The following BCL11B variants were observed in gnomAD, a reference collection of about 807,000 sequenced individuals.
BCL11B encodes B-cell lymphoma/leukemia 11B.
BCL11B carries 8 observed loss-of-function variants against 49.9 expected under a neutral mutation model. That is an observed-to-expected ratio of 0.16 (90% CI 0.09 to 0.29). The LOEUF is 0.29. Ranked by LOEUF, BCL11B falls within the 10% of genes least tolerant of loss-of-function variation. BCL11B has a pLI of 1.00. For missense variants in BCL11B, 1,006 were observed against 1,351.0 expected (o/e 0.74, Z 4.00); for synonymous variants, 739 against 637.4 (o/e 1.16, Z -2.40).
chr14:99,173,891 A>G lies in BCL11B; in HGVS notation c.*260T>C. 1.9e-6 allele frequency: 1 copy of G among 522,456 alleles called. No homozygotes were observed. Among genetic ancestry groups the G allele is most frequent in the Non-Finnish European group, 3.4e-6 (1 of 295,376 alleles). 32.4% of individuals were successfully genotyped at this position (522,456 alleles called of 1,614,324 possible). ...AAAAATAATAATAAAAAGTACCTGC[A>G]CATGCCAAAAAAATTACAAAACCCA... On this transcript the variant is annotated 3_prime_UTR_variant, in exon 4 of 4. Coordinates refer to ENST00000357195, the MANE Select transcript of BCL11B (RefSeq NM_138576.4).
intron 3 of BCL11B, among the ~76,000 whole-genome samples, chr14:99,224,308 G>C (rs1191869966): frequency 6.6e-6 from 1 of 152,170 alleles, no homozygotes; most frequent in Non-Finnish European, 1.5e-5. Flanking sequence ...TGTGACCCCT[G>C]GTGGGTTGTG....
At chr14:99,252,335 G>A (rs1889031478) in intron 2 of BCL11B, among the ~76,000 whole-genome samples, 1 of 152,054 alleles carries the variant, frequency 6.6e-6, no homozygotes, top group African/African-American at 2.4e-5. Context: ...CTGCGAGTGG[G>A]GTTTATCTCC....
At chr14:99,230,107 G>C (rs1309256991) in intron 3 of BCL11B, among the ~76,000 whole-genome samples, 1 of 152,154 alleles carries the variant, frequency 6.6e-6, no homozygotes, top group Non-Finnish European at 1.5e-5. Context: ...ACAGCAGGGA[G>C]GGTACACTAA....
chr14:99,215,200 G>A (rs1407758410), intron 3 of BCL11B, among the ~76,000 whole-genome samples: 2 of 148,356 alleles, frequency 1.3e-5, no homozygotes, highest in African/African-American at 5.0e-5. Context: ...TTTATAAGTT[G>A]CAGATAATGT....
intron 3 of BCL11B, among the ~76,000 whole-genome samples, chr14:99,227,093 T>G (rs1318601854): frequency 6.6e-6 from 1 of 152,200 alleles, no homozygotes; most frequent in Admixed American, 6.5e-5. Flanking sequence ...ATTTGCAGCT[T>G]TTAAATATGC....
chr14:99,191,697 C>T (rs932716636), intron 3 of BCL11B, among the ~76,000 whole-genome samples: 1 of 151,272 alleles, frequency 6.6e-6, no homozygotes, highest in African/African-American at 2.4e-5. Flanking sequence ...TTTGTCAGCA[C>T]CCCCCTGCCC....
intron 3 of BCL11B, among the ~76,000 whole-genome samples, chr14:99,227,918 C>G (rs763377863): frequency 2.0e-5 from 3 of 152,126 alleles, no homozygotes; most frequent in Non-Finnish European, 4.4e-5. Context: ...CCCCGAGTCC[C>G]TTCTCCCCAC....
Position 99,192,754 on chromosome 14 carries a change from A to G in BCL11B, c.641-16559T>C, listed in dbSNP as rs1473852317. Among the ~76,000 whole-genome samples, 3 of 152,204 alleles carry G rather than the reference A, an allele frequency of 2.0e-5. No homozygotes were observed. Among genetic ancestry groups the G allele is most frequent in the Non-Finnish European group, 2.9e-5 (2 of 68,022 alleles). ...TGAGCTCCAAGTTCCTTATCCATAA[A>G]TGCGAGTGACACCTGTATTGAGGAT... On this transcript the variant is annotated intron_variant, in intron 3 of 3. Transcript: ENST00000357195. The surrounding 1 kb of genome is among the most constrained non-coding windows in gnomAD (Gnocchi z 4.0).
At position 99,175,079 on chromosome 14, in the gene BCL11B, G is replaced by A; in HGVS notation, c.1757C>T (p.Ala586Val). 1.2e-6 allele frequency: 2 copies of A among 1,600,234 alleles called. No homozygotes were observed. The highest frequency in any genetic ancestry group is 8.5e-7 in the Non-Finnish European group (1 of 1,177,280). Residue 586 changes from alanine (A) to valine (V), a missense_variant, in exon 4 of 4, where the codon GCG becomes GTG. This residue lies in a region of BCL11B where 443 missense variants were observed against 499.7 expected (regional missense o/e 0.89). Transcript: ENST00000357195. Reference protein sequence around the residue: ...VPGAGGGAAKALADEKALVLG... With the variant: ...VPGAGGGAAKVLADEKALVLG... ...CACCAGCGCCTTCTCGTCAGCCAGC[G>A]CCTTGGCCGCGCCGCCCCCCGCGCC...
At chr14:99,191,470 G>A (rs1159716613) in intron 3 of BCL11B, among the ~76,000 whole-genome samples, 1 of 152,106 alleles carries the variant, frequency 6.6e-6, no homozygotes, top group Non-Finnish European at 1.5e-5. Context: ...GGAGAAAGAG[G>A]TGGAGAGAAT....
At chr14:99,197,967 C>T (rs541231715) in intron 3 of BCL11B, among the ~76,000 whole-genome samples, 15 of 152,324 alleles carry the variant, frequency 9.8e-5, no homozygotes, top group Middle Eastern at 3.4e-3. Context: ...GCACAGGACG[C>T]GGGCTGTGTC....
chr14:99,214,990 G>A (rs919347093), intron 3 of BCL11B, among the ~76,000 whole-genome samples: 3 of 152,214 alleles, frequency 2.0e-5, no homozygotes, highest in South Asian at 2.1e-4. Flanking sequence ...TCCTCCTGAC[G>A]GCACTGTCAC....
rs909383764 is a variant in BCL11B, at chr14:99,257,775, T to C, written c.123A>G (p.Pro41=). 3.8e-6 allele frequency: 6 copies of C among 1,597,820 alleles called. No individual in the cohort carries two copies. The African/African-American group carries it at 8.0e-5, about 21-fold the overall frequency. ...EEDEGLEIEE[P]SGLGLMVGGP... is the part of the protein sequence containing the mutation. Reference sequence around the variant, plus strand: ...CACCCACCATCAGCCCCAGGCCACTTGGCTCCTCTATCTCCAGACCCTCGT... The same window carrying C: ...CACCCACCATCAGCCCCAGGCCACTCGGCTCCTCTATCTCCAGACCCTCGT... Residue 41 remains proline (P), a synonymous_variant, in exon 2 of 4, where the codon CCA becomes CCG. Transcript: ENST00000357195. This position sits in a 1 kb window ranked among gnomAD's most constrained non-coding sequence, Gnocchi z 6.2.
At chr14:99,204,186 T>A (rs773327878) in intron 3 of BCL11B, among the ~76,000 whole-genome samples, 26 of 152,194 alleles carry the variant, frequency 1.7e-4, no homozygotes, top group Non-Finnish European at 3.5e-4. Context: ...ATGAGCCACC[T>A]GTGAACCCAT....
intron 2 of BCL11B, among the ~76,000 whole-genome samples, chr14:99,244,932 C>T (rs1265911021): frequency 6.6e-6 from 1 of 152,192 alleles, no homozygotes; most frequent in Non-Finnish European, 1.5e-5. Context: ...CAAATCAATT[C>T]TGCCTGGTTT....
In BCL11B at chr14:99,199,677, TGTGTGTGCGCGCGCGCGCGCAC is replaced by T. The variant is rs1343111557; in HGVS notation, c.641-23504_641-23483del. On this transcript the variant is annotated intron_variant, in intron 3 of 3. Transcript: ENST00000357195. The stretch of plus-strand genomic sequence containing the variant: ...GTGTGTGTGTGTGTGTGTGTGTGTG[TGTGTGTGCGCGCGCGCGCGCAC>T]GTGCACGTGTGTGCGTGTGTGCATG... Among the ~76,000 whole-genome samples the T allele has an allele frequency of 9.8e-3, 1,099 of 112,182 alleles. 23 individuals carry two copies. Among genetic ancestry groups the T allele is most frequent in the African/African-American group, 0.035 (1,031 of 29,576 alleles). The allele number at this position is 112,182 out of a possible 152,430, so 73.6% of individuals were successfully genotyped here.
chr14:99,179,474 A>T (rs1221566803), intron 3 of BCL11B, among the ~76,000 whole-genome samples: 8 of 20,154 alleles, frequency 4.0e-4, no homozygotes, highest in Non-Finnish European at 1.1e-3. Context: ...AATCCATCTT[A>T]AAAAAAAAAA....
rs539379830 is a variant in BCL11B, at chr14:99,228,040, C to T, written c.640+3305G>A. ...ACATACCTGTGTGGTTTTCTCCCCC[C>T]GTAAAATCACATCCTTCTATAAATA... On this transcript the variant is annotated intron_variant, in intron 3 of 3. Coordinates refer to ENST00000357195, the MANE Select transcript of BCL11B (RefSeq NM_138576.4). The surrounding 1 kb of genome is among the most constrained non-coding windows in gnomAD (Gnocchi z 4.8). Among the ~76,000 whole-genome samples the T allele has an allele frequency of 3.3e-5, 5 of 152,282 alleles. No homozygotes were observed. Among genetic ancestry groups the T allele is most frequent in the South Asian group, 4.2e-4 (2 of 4,818 alleles).
chr14:99,269,467 T>G (rs1889586126), intron 1 of BCL11B, among the ~76,000 whole-genome samples: 2 of 147,992 alleles, frequency 1.4e-5, no homozygotes, highest in South Asian at 4.2e-4. Flanking sequence ...CTTCCCTTCC[T>G]CCAAAGAGGC....
Sources: allele counts gnomAD v4.1 joint callset (sites outside exome capture counted in the v4.1 genomes callset), GRCh38; gene constraint gnomAD v4.1.1; regional missense constraint gnomAD v4.1.1; non-coding constraint Gnocchi (gnomAD v3.1); transcripts MANE v1.5; gene names NCBI Gene and HGNC (gene_info 2026-07-23, HGNC 2026-07-21).